SH3PXD2A: variants seen among roughly 807,000 people sequenced by gnomAD.
The protein encoded by SH3PXD2A is SH3 and PX domains 2A.
In SH3PXD2A, 32 loss-of-function variants were observed where a neutral mutation model predicts 115.2. That is an observed-to-expected ratio of 0.28 (90% CI 0.21 to 0.37). The LOEUF (loss-of-function observed/expected upper bound fraction) is 0.37, where lower values mean the gene tolerates loss of function less well. Among genes scored for constraint, SH3PXD2A ranks in the 10% least tolerant of loss-of-function variants. The pLI is 1.00. For missense variants in SH3PXD2A, 1,328 were observed against 1,498.7 expected (o/e 0.89, Z 1.88); for synonymous variants, 610 against 629.1 (o/e 0.97, Z 0.45).
intron 5 of SH3PXD2A, among the ~76,000 whole-genome samples, chr10:103,717,942 G>C (rs1243638470): frequency 6.6e-6 from 1 of 152,012 alleles, no homozygotes; most frequent in Non-Finnish European, 1.5e-5. Context: ...CAGGAGGCAG[G>C]TCATGCTCAC....
At chr10:103,798,060 G>A (rs1250950990) in intron 2 of SH3PXD2A, among the ~76,000 whole-genome samples, 3 of 152,178 alleles carry the variant, frequency 2.0e-5, no homozygotes, top group African/African-American at 7.2e-5. Context: ...ACCCGAGGCC[G>A]CCTCGTGGGT....
chr10:103,622,745 C>T (rs1159443404), intron 9 of SH3PXD2A, among the ~76,000 whole-genome samples, 192 bp from the exon 10 acceptor site: 5 of 152,134 alleles, frequency 3.3e-5, no homozygotes, highest in Non-Finnish European at 5.9e-5. Context: ...AGGTCATGGT[C>T]GGCACACAGG....
At chr10:103,764,971 T>C (rs991601289) in intron 3 of SH3PXD2A, among the ~76,000 whole-genome samples, 5 of 152,202 alleles carry the variant, frequency 3.3e-5, no homozygotes, top group African/African-American at 1.2e-4. Context: ...GGAACATTAG[T>C]AATAATAAGG....
chr10:103,801,850 C>T (rs1425482324), intron 1 of SH3PXD2A, among the ~76,000 whole-genome samples: 3 of 152,132 alleles, frequency 2.0e-5, no homozygotes, highest in African/African-American at 7.2e-5. Context: ...AATACAGGTG[C>T]CTGCCACCAT....
intron 6 of SH3PXD2A, among the ~76,000 whole-genome samples, chr10:103,688,948 C>T (rs1422261720): frequency 1.3e-5 from 2 of 152,154 alleles, no homozygotes; most frequent in African/African-American, 4.8e-5. Context: ...CTCACTGCAA[C>T]CTCAAACTTC....
intron 3 of SH3PXD2A, among the ~76,000 whole-genome samples, chr10:103,759,434 G>A (rs540174959): frequency 1.3e-5 from 2 of 152,260 alleles, no homozygotes; most frequent in South Asian, 2.1e-4. Flanking sequence ...TATGGATAGC[G>A]ATGCATGGGA....
intron 2 of SH3PXD2A, among the ~76,000 whole-genome samples, chr10:103,770,173 T>A (rs1419484366): frequency 6.6e-6 from 1 of 152,246 alleles, no homozygotes. Context: ...CACTATATAA[T>A]GAACATTTTT....
intron 1 of SH3PXD2A, among the ~76,000 whole-genome samples, chr10:103,815,469 ATT>A (rs756662746): frequency 1.1e-4 from 17 of 148,492 alleles, no homozygotes; most frequent in Non-Finnish European, 2.5e-4. Flanking sequence ...TACTATATAT[ATT>A]ATATATATAA....
intron 14 of SH3PXD2A, 87 bp from the exon 15 acceptor site, chr10:103,603,876 T>C: frequency 7.3e-7 from 1 of 1,372,926 alleles, no homozygotes; most frequent in Admixed American, 3.0e-5. Context: ...ACTTTGGCTC[T>C]GGGATAAATT....
intron 6 of SH3PXD2A, among the ~76,000 whole-genome samples, chr10:103,690,157 C>T (rs890766110): frequency 6.6e-6 from 1 of 152,162 alleles, no homozygotes; most frequent in Non-Finnish European, 1.5e-5. Context: ...TGTACTGTGG[C>T]TCTGATCAGC....
At chr10:103,669,507 T>G (rs1057096539) in intron 6 of SH3PXD2A, among the ~76,000 whole-genome samples, 1 of 152,224 alleles carries the variant, frequency 6.6e-6, no homozygotes, top group Non-Finnish European at 1.5e-5. Context: ...ATTTCTAGAA[T>G]AGAAGAGAAG....
At chr10:103,751,913 C>T (rs548404361) in intron 3 of SH3PXD2A, among the ~76,000 whole-genome samples, 101 of 152,378 alleles carry the variant, frequency 6.6e-4, no homozygotes, top group Non-Finnish European at 1.1e-3. Context: ...GTCTGCTGCC[C>T]AGCCGGTATT....
intron 2 of SH3PXD2A, among the ~76,000 whole-genome samples, chr10:103,800,335 A>G (rs2039135447): frequency 6.6e-6 from 1 of 152,198 alleles, no homozygotes; most frequent in African/African-American, 2.4e-5. Context: ...AAGCCAGACC[A>G]ATCAAAATCG....
At chr10:103,762,012 GTCTTTTTTTTTTT>G (rs775617506) in intron 3 of SH3PXD2A, among the ~76,000 whole-genome samples, 3 of 95,384 alleles carry the variant, frequency 3.1e-5, no homozygotes, top group Admixed American at 2.4e-4. Flanking sequence ...CAATCAACAC[GTCTTTTTTTTTTT>G]TTTTTTTTTT....
chr10:103,737,719 C>T (rs1016224932), intron 3 of SH3PXD2A, among the ~76,000 whole-genome samples: 7 of 152,182 alleles, frequency 4.6e-5, no homozygotes, highest in Non-Finnish European at 8.8e-5. Flanking sequence ...GAGTGTGTGC[C>T]CATGGCTAGA....
intron 2 of SH3PXD2A, among the ~76,000 whole-genome samples, chr10:103,769,272 T>C (rs2038794033): frequency 6.6e-6 from 1 of 151,870 alleles, no homozygotes; most frequent in African/African-American, 2.4e-5. Flanking sequence ...TCTTGCATAA[T>C]CATTACCCAA....
chr10:103,623,266 G>C (rs2036635688), intron 9 of SH3PXD2A, among the ~76,000 whole-genome samples: 1 of 143,928 alleles, frequency 6.9e-6, no homozygotes. Context: ...TCTGATGACA[G>C]GGGCCCCCTC....
chr10:103,808,165 C>T (rs922278620), intron 1 of SH3PXD2A, among the ~76,000 whole-genome samples: 2 of 152,150 alleles, frequency 1.3e-5, no homozygotes, highest in African/African-American at 2.4e-5. Flanking sequence ...CATCAAACGC[C>T]GGCCCAGAGC....
Position 103,735,758 on chromosome 10 carries a change from G to A in SH3PXD2A, c.280C>T (p.Leu94=). ...SHIRDVAVKR[L]KPIDEYCRAL... is the part of the protein sequence containing the mutation. ...CGGCAGTATTCATCGATGGGCTTCAGTCTCTTCACAGCTACGTCCCGGATG... is the reference window on the plus strand; with the variant it reads ...CGGCAGTATTCATCGATGGGCTTCAATCTCTTCACAGCTACGTCCCGGATG... The change falls in exon 4 of 15, where the codon CTG becomes TTG. Residue 94 remains leucine, a synonymous_variant. Transcript: ENST00000369774. The A allele has an allele frequency of 6.2e-7, 1 of 1,613,606 alleles. No individual in the cohort carries two copies. The highest frequency in any genetic ancestry group is 1.1e-5 in the South Asian group (1 of 91,076).
Sources: allele counts gnomAD v4.1 joint callset (sites outside exome capture counted in the v4.1 genomes callset), GRCh38; gene constraint gnomAD v4.1.1; transcripts MANE v1.5; gene names NCBI Gene and HGNC (gene_info 2026-07-23, HGNC 2026-07-21).